The following TMEM74 variants were observed in gnomAD, a reference collection of about 807,000 sequenced individuals.
TMEM74 encodes the protein transmembrane protein 74.
A neutral mutation model predicts 18.1 loss-of-function variants in TMEM74; 13 were observed. The ratio of observed to expected loss-of-function variants is 0.72; its 90% confidence interval spans 0.47 to 1.14. The LOEUF (loss-of-function observed/expected upper bound fraction) is 1.14. TMEM74 is among the 50% of genes most tolerant of loss of function. The pLI, the probability that TMEM74 is intolerant of heterozygous loss-of-function variation, is 0.00. For missense variants in TMEM74, 372 were observed against 375.9 expected (o/e 0.99, Z 0.09); for synonymous variants, 159 against 146.6 (o/e 1.08, Z -0.61).
chr8:108,668,393 T>C (rs1463154850), intron 1 of TMEM74, among the ~76,000 whole-genome samples: 1 of 152,208 alleles, frequency 6.6e-6, no homozygotes, highest in African/African-American at 2.4e-5. Flanking sequence ...ATTGTATTAA[T>C]AATAGTCATT....
intron 1 of TMEM74, among the ~76,000 whole-genome samples, chr8:108,756,530 G>C (rs1171338460): frequency 1.7e-5 from 2 of 116,294 alleles, no homozygotes; most frequent in Non-Finnish European, 3.5e-5. Context: ...TAGAGGAACA[G>C]AGCAAACCAC....
chr8:108,750,884 G>T (rs1435862060), intron 1 of TMEM74, among the ~76,000 whole-genome samples: 1 of 152,100 alleles, frequency 6.6e-6, no homozygotes, highest in African/African-American at 2.4e-5. Flanking sequence ...TCTCTTCCAA[G>T]CGTATTTTCC....
At chr8:108,711,125 G>C (rs1813470934) in intron 1 of TMEM74, among the ~76,000 whole-genome samples, 1 of 152,168 alleles carries the variant, frequency 6.6e-6, no homozygotes, top group African/African-American at 2.4e-5. Flanking sequence ...CCTACTCTAT[G>C]CTGGAAGTTG....
At chr8:108,753,630 A>G (rs1813926349) in intron 1 of TMEM74, among the ~76,000 whole-genome samples, 1 of 152,110 alleles carries the variant, frequency 6.6e-6, no homozygotes, top group African/African-American at 2.4e-5. Context: ...CAGTTTGCCT[A>G]TTCCAGCTAT....
At chr8:108,733,152 G>A (rs1354198968) in intron 1 of TMEM74, among the ~76,000 whole-genome samples, 1 of 152,106 alleles carries the variant, frequency 6.6e-6, no homozygotes, top group East Asian at 1.9e-4. Flanking sequence ...ATACTCTGAA[G>A]TATTTACCTA....
At chr8:108,768,252 C>T (rs1814132084) in intron 1 of TMEM74, among the ~76,000 whole-genome samples, 2 of 152,108 alleles carry the variant, frequency 1.3e-5, no homozygotes, top group Non-Finnish European at 2.9e-5. Context: ...TTCACTGCTC[C>T]ACCCCATTCA....
Position 108,780,249 on chromosome 8 carries a change from T to C in TMEM74, c.*3932A>G, listed in dbSNP as rs1814287096. ...GCTGCAATGAAATCTGACCTTCAGG[T>C]TGAAAAACCTTCTCCTAAGAGATAT... On this transcript the variant is annotated 3_prime_UTR_variant, in exon 2 of 2. Coordinates refer to ENST00000297459, the MANE Select transcript of TMEM74 (RefSeq NM_153015.3). 6.6e-6 allele frequency among the ~76,000 whole-genome samples: 1 copy of C among 152,200 alleles called. No individual in the cohort carries two copies. Among genetic ancestry groups the C allele is most frequent in the South Asian group, 2.1e-4 (1 of 4,830 alleles).
chr8:108,647,538 T>C (rs1812732151), intron 2 of TMEM74, among the ~76,000 whole-genome samples: 1 of 152,086 alleles, frequency 6.6e-6, no homozygotes, highest in Non-Finnish European at 1.5e-5. Flanking sequence ...AAAAAAAGTA[T>C]GGGATTAAAG....
intron 1 of TMEM74, among the ~76,000 whole-genome samples, chr8:108,747,353 C>T (rs1259722363): frequency 6.6e-6 from 1 of 151,914 alleles, no homozygotes. Flanking sequence ...GAAGGATTTA[C>T]AGAGCTGACA....
chr8:108,678,896 C>T (rs554801888), intron 1 of TMEM74, among the ~76,000 whole-genome samples: 1 of 117,436 alleles, frequency 8.5e-6, no homozygotes, highest in South Asian at 3.5e-4. Flanking sequence ...ATCCTCCCCC[C>T]CTCCCCCCAC....
At chr8:108,786,839 G>C (rs1308525073) in intron 1 of TMEM74, among the ~76,000 whole-genome samples, 1 of 152,084 alleles carries the variant, frequency 6.6e-6, no homozygotes, top group African/African-American at 2.4e-5. Context: ...GAGACTTTCA[G>C]TTTATAACAA....
chr8:108,609,891 A>G (rs188744311), intron 2 of TMEM74, among the ~76,000 whole-genome samples: 14 of 152,324 alleles, frequency 9.2e-5, no homozygotes, highest in Admixed American at 2.0e-4. Context: ...AAGAAGAACC[A>G]TGTGGATATG....
intron 1 of TMEM74, among the ~76,000 whole-genome samples, chr8:108,751,597 G>C (rs1813904790): frequency 6.6e-6 from 1 of 152,064 alleles, no homozygotes; most frequent in Admixed American, 6.6e-5. Flanking sequence ...TAACTGGTTA[G>C]AAAATTTAAT....
chr8:108,747,401 A>G (rs557222439), intron 1 of TMEM74, among the ~76,000 whole-genome samples: 1 of 152,230 alleles, frequency 6.6e-6, no homozygotes, highest in South Asian at 2.1e-4. Context: ...TAGATGGAGG[A>G]GTCAGGGTAA....
chr8:108,726,458 AC>A (rs953772399), intron 1 of TMEM74, among the ~76,000 whole-genome samples: 9 of 152,334 alleles, frequency 5.9e-5, no homozygotes, highest in African/African-American at 1.9e-4. Context: ...GATAGAAGAA[AC>A]TAAAGAATGA....
At chr8:108,619,389 C>G (rs1011918423) in intron 2 of TMEM74, among the ~76,000 whole-genome samples, 1 of 152,166 alleles carries the variant, frequency 6.6e-6, no homozygotes, top group African/African-American at 2.4e-5. Context: ...ATTCCACATG[C>G]AAATGCAGGT....
chr8:108,690,393 T>A (rs1026476280), intron 1 of TMEM74, among the ~76,000 whole-genome samples: 3 of 152,174 alleles, frequency 2.0e-5, no homozygotes, highest in African/African-American at 4.8e-5. Flanking sequence ...TTGTTTGTTT[T>A]TTTTTAGTCC....
intron 1 of TMEM74, among the ~76,000 whole-genome samples, chr8:108,674,049 A>G (rs181564099): frequency 6.6e-6 from 1 of 152,324 alleles, no homozygotes; most frequent in Admixed American, 6.5e-5. Flanking sequence ...TGAATTTTAC[A>G]GCTAAATACT....
At chr8:108,610,124 C>A (rs1812320443) in intron 2 of TMEM74, among the ~76,000 whole-genome samples, 1 of 152,128 alleles carries the variant, frequency 6.6e-6, no homozygotes, top group South Asian at 2.1e-4. Flanking sequence ...GACCTAGGAA[C>A]CTGCATTTTC....
Sources: allele counts gnomAD v4.1 joint callset (sites outside exome capture counted in the v4.1 genomes callset), GRCh38; gene constraint gnomAD v4.1.1; transcripts MANE v1.5; gene names NCBI Gene and HGNC (gene_info 2026-07-23, HGNC 2026-07-21).